The following SMARCAL1 variants were observed in gnomAD, a reference collection of about 807,000 sequenced individuals.
The protein encoded by SMARCAL1 is SNF2 related chromatin remodeling annealing helicase 1, also known as ATP-driven annealing helicase.
Under a neutral mutation model 94.5 loss-of-function variants are expected in SMARCAL1, and 58 were observed. That is an observed-to-expected ratio of 0.61 (90% CI 0.50 to 0.76). SMARCAL1 has a LOEUF of 0.76. SMARCAL1 is among the 30% of genes least tolerant of loss of function. SMARCAL1 has a pLI of 0.00. For synonymous variants in SMARCAL1, 422 were observed against 455.1 expected (o/e 0.93, Z 0.93); for missense variants, 1,051 against 1,177.9 (o/e 0.89, Z 1.58).
intron 10 of SMARCAL1, among the ~76,000 whole-genome samples, chr2:216,440,272 C>T (rs969825570): frequency 6.6e-6 from 1 of 152,014 alleles, no homozygotes; most frequent in African/African-American, 2.4e-5. Context: ...ATTGTTTAGA[C>T]AAAAGAAAAT....
At chr2:216,438,612 C>T in intron 10 of SMARCAL1, 127 bp downstream of exon 10, 1 of 788,616 alleles carries the variant, frequency 1.3e-6, no homozygotes, top group Non-Finnish European at 2.2e-6. Context: ...CATGACTTGG[C>T]ATTGACTTAG....
intron 3 of SMARCAL1, chr2:216,415,881 CCCAG>C: frequency 1.1e-5 from 4 of 375,380 alleles, no homozygotes; most frequent in Admixed American, 4.1e-5. Context: ...AAGTGACAGG[CCCAG>C]TTTCATTGGT....
chr2:216,449,278 TG>T (rs1269630537), intron 11 of SMARCAL1, among the ~76,000 whole-genome samples: 2 of 152,230 alleles, frequency 1.3e-5, no homozygotes, highest in African/African-American at 4.8e-5. Flanking sequence ...GTGTGAAATT[TG>T]GGGGACACAT....
intron 17 of SMARCAL1, among the ~76,000 whole-genome samples, chr2:216,478,588 G>C (rs1393870344): frequency 6.6e-6 from 1 of 152,230 alleles, no homozygotes; most frequent in Non-Finnish European, 1.5e-5. Flanking sequence ...GGCAAATGTT[G>C]AATTGTTTCA....
At position 216,430,330 on chromosome 2, in the gene SMARCAL1, C is replaced by T. The variant is rs552353221; in HGVS notation, c.1334+1548C>T. ...AATGCAAGAACTACAATTGAACACA[C>T]CCATTAATTTATAAAGCAAAATCTC... On this transcript the variant is annotated intron_variant, in intron 7 of 17. Transcript: ENST00000357276. Among the ~76,000 whole-genome samples, 3 of 152,266 alleles carry T rather than the reference C, an allele frequency of 2.0e-5. No homozygotes were observed. In the East Asian group the frequency reaches 5.8e-4, roughly 29 times the overall value.
intron 7 of SMARCAL1, among the ~76,000 whole-genome samples, chr2:216,430,135 G>C (rs1461671129): frequency 1.3e-5 from 2 of 152,160 alleles, no homozygotes; most frequent in African/African-American, 4.8e-5. Flanking sequence ...CTCTGTGTGT[G>C]AGGCGCCCCA....
intron 4 of SMARCAL1, among the ~76,000 whole-genome samples, chr2:216,417,267 G>A (rs1411843458): frequency 6.6e-6 from 1 of 152,192 alleles, no homozygotes; most frequent in Non-Finnish European, 1.5e-5. Context: ...TGTACATTAG[G>A]CGATATCTTT....
At chr2:216,421,002 A>G (rs1693708495) in intron 5 of SMARCAL1, among the ~76,000 whole-genome samples, 1 of 152,192 alleles carries the variant, frequency 6.6e-6, no homozygotes, top group African/African-American at 2.4e-5. Flanking sequence ...GAACTTGAGC[A>G]TGGAGCCAAA....
chr2:216,433,609 A>T (rs1337080137), intron 8 of SMARCAL1, among the ~76,000 whole-genome samples: 1 of 152,122 alleles, frequency 6.6e-6, no homozygotes, highest in Admixed American at 6.6e-5. Context: ...AGTGAGTGGG[A>T]TGTTCACTGT....
intron 10 of SMARCAL1, among the ~76,000 whole-genome samples, chr2:216,443,748 G>C (rs1282577440): frequency 6.6e-6 from 1 of 152,214 alleles, no homozygotes; most frequent in Non-Finnish European, 1.5e-5. Flanking sequence ...GTATCACTGA[G>C]TGGTAGGTGG....
intron 7 of SMARCAL1, among the ~76,000 whole-genome samples, chr2:216,431,460 G>A (rs948853972): frequency 6.6e-6 from 1 of 152,194 alleles, no homozygotes; most frequent in Non-Finnish European, 1.5e-5. Flanking sequence ...TTCATCATGC[G>A]ACACGAGCAA....
chr2:216,437,513 G>A (rs1277749276), intron 9 of SMARCAL1, among the ~76,000 whole-genome samples: 2 of 152,168 alleles, frequency 1.3e-5, no homozygotes, highest in East Asian at 1.9e-4. Context: ...GAGTAACAGG[G>A]CTGTGCTAAG....
chr2:216,453,579 A>C (rs1251172858), intron 12 of SMARCAL1, among the ~76,000 whole-genome samples: 1 of 152,254 alleles, frequency 6.6e-6, no homozygotes, highest in Non-Finnish European at 1.5e-5. Context: ...CTAGATGACC[A>C]TAGGCATGTC....
chr2:216,429,269 C>G (rs1034325709), intron 7 of SMARCAL1, among the ~76,000 whole-genome samples: 7 of 152,190 alleles, frequency 4.6e-5, no homozygotes, highest in African/African-American at 1.7e-4. Context: ...AGTCTGGTAC[C>G]AATGTTGGAG....
intron 8 of SMARCAL1, among the ~76,000 whole-genome samples, chr2:216,434,571 C>T (rs1694035704): frequency 6.6e-6 from 1 of 151,932 alleles, no homozygotes; most frequent in Admixed American, 6.6e-5. Flanking sequence ...CATGGTGGTT[C>T]AGGCCTGTAG....
intron 12 of SMARCAL1, among the ~76,000 whole-genome samples, chr2:216,462,253 A>G (rs1033371729): frequency 2.0e-5 from 3 of 152,106 alleles, no homozygotes; most frequent in Non-Finnish European, 2.9e-5. Flanking sequence ...TTTCTTTCTT[A>G]TTAGGGAGTA....
chr2:216,433,536 C>G (rs560834794), intron 8 of SMARCAL1, among the ~76,000 whole-genome samples: 2 of 152,082 alleles, frequency 1.3e-5, no homozygotes, highest in Non-Finnish European at 2.9e-5. Flanking sequence ...GGAGCCCTGG[C>G]GGATCTTGAT....
chr2:216,458,077 AATC>A (rs1290629222), intron 12 of SMARCAL1, among the ~76,000 whole-genome samples: 1 of 152,220 alleles, frequency 6.6e-6, no homozygotes. Flanking sequence ...TAAACTAGAA[AATC>A]TAGAAGAAAT....
At chr2:216,439,107 C>T (rs879473732) in intron 10 of SMARCAL1, among the ~76,000 whole-genome samples, 8 of 152,162 alleles carry the variant, frequency 5.3e-5, no homozygotes, top group Admixed American at 5.2e-4. Flanking sequence ...CATCCCCCTT[C>T]CTCCCTGTGG....
Sources: allele counts gnomAD v4.1 joint callset (sites outside exome capture counted in the v4.1 genomes callset), GRCh38; gene constraint gnomAD v4.1.1; transcripts MANE v1.5; gene names NCBI Gene and HGNC (gene_info 2026-07-23, HGNC 2026-07-21).